PBX1: variants seen among roughly 807,000 people sequenced by gnomAD.
The protein encoded by PBX1 is PBX homeobox 1.
PBX1 carries 6 observed loss-of-function variants against 53.4 expected under a neutral mutation model. The ratio of observed to expected loss-of-function variants is 0.11; its 90% CI spans 0.06 to 0.22. PBX1 has a LOEUF of 0.22. Ranked by LOEUF, PBX1 falls within the 10% of genes least tolerant of loss-of-function variation. PBX1 has a pLI of 1.00. For missense variants in PBX1, 251 were observed against 551.4 expected, an observed-to-expected ratio of 0.46 and a Z score of 5.46; for synonymous variants, 204 against 212.3, an observed-to-expected ratio of 0.96 and a Z score of 0.34.
chr1:164,562,402 TAATAA>T (rs1557861519), intron 1 of PBX1, among the ~76,000 whole-genome samples: 1 of 150,986 alleles, frequency 6.6e-6, no homozygotes, highest in East Asian at 2.0e-4. Flanking sequence ...AGTGGTTCCA[TAATAA>T]AATAGAAGGA....
intron 2 of PBX1, among the ~76,000 whole-genome samples, chr1:164,694,911 G>A (rs950994671): frequency 3.3e-5 from 5 of 152,062 alleles, no homozygotes; most frequent in South Asian, 2.1e-4. Context: ...CTCTTGACTG[G>A]TGTCTCTGCC....
chr1:164,691,343 G>A (rs1274266106), intron 2 of PBX1, among the ~76,000 whole-genome samples: 3 of 152,108 alleles, frequency 2.0e-5, no homozygotes, highest in East Asian at 1.9e-4. Flanking sequence ...AAGTTGTCTA[G>A]CATAGTTGGT....
At chr1:164,716,468 G>A (rs563325847) in intron 2 of PBX1, among the ~76,000 whole-genome samples, 1 of 152,158 alleles carries the variant, frequency 6.6e-6, no homozygotes, top group Non-Finnish European at 1.5e-5. Flanking sequence ...TAAACATTCT[G>A]ATGATGGCAG....
intron 2 of PBX1, among the ~76,000 whole-genome samples, chr1:164,588,540 T>C (rs985828926): frequency 1.3e-4 from 20 of 150,554 alleles, no homozygotes; most frequent in Admixed American, 4.0e-4. Context: ...TAATTTTATA[T>C]GCATATATAT....
At chr1:164,723,241 C>T (rs1346695821) in intron 2 of PBX1, among the ~76,000 whole-genome samples, 3 of 152,124 alleles carry the variant, frequency 2.0e-5, no homozygotes, top group Non-Finnish European at 4.4e-5. Flanking sequence ...TTTCCTGGCA[C>T]CAGACTACTG....
intron 8 of PBX1, among the ~76,000 whole-genome samples, chr1:164,842,773 A>AC (rs1671364358): frequency 6.6e-6 from 1 of 152,116 alleles, no homozygotes; most frequent in South Asian, 2.1e-4. Context: ...CCACCCTGTG[A>AC]CCCCTCAGTG....
chr1:164,847,869 C>G lies in PBX1; in HGVS notation c.*1193C>G. On this transcript the variant is annotated 3_prime_UTR_variant, in exon 9 of 9. Transcript: ENST00000420696. The stretch of plus-strand genomic sequence containing the variant: ...CACAGGACCTGATCATGAGGAAGAC[C>G]AGGTTTCCAGTGTAAACTACTCTTG... The G allele has an allele frequency of 1.9e-6, 2 of 1,055,184 alleles. No individual in the cohort carries two copies. The allele number at this position is 1,055,184 out of a possible 1,614,324, so 65.4% of individuals were successfully genotyped here.
chr1:164,742,314 A>C (rs552934024), intron 2 of PBX1, among the ~76,000 whole-genome samples: 1 of 152,218 alleles, frequency 6.6e-6, no homozygotes, highest in Non-Finnish European at 1.5e-5. Flanking sequence ...GGCCGAGGCC[A>C]TTGGATCCCT....
chr1:164,568,768 G>T (rs1653618227), intron 2 of PBX1, among the ~76,000 whole-genome samples: 1 of 152,204 alleles, frequency 6.6e-6, no homozygotes, highest in Non-Finnish European at 1.5e-5. Flanking sequence ...AAGTTCTCTG[G>T]TTGTATCTTT....
At chr1:164,699,677 G>T (rs1663001211) in intron 2 of PBX1, among the ~76,000 whole-genome samples, 1 of 152,136 alleles carries the variant, frequency 6.6e-6, no homozygotes. Flanking sequence ...GTCTAAAAGG[G>T]AAATGCCAGG....
intron 2 of PBX1, among the ~76,000 whole-genome samples, chr1:164,688,553 AC>A (rs1344271420): frequency 1.3e-5 from 2 of 152,174 alleles, no homozygotes; most frequent in African/African-American, 4.8e-5. Flanking sequence ...TCTGCCACAT[AC>A]ATTTCTAGCG....
chr1:164,842,637 C>T (rs1671358636), intron 8 of PBX1, among the ~76,000 whole-genome samples: 1 of 152,094 alleles, frequency 6.6e-6, no homozygotes, highest in African/African-American at 2.4e-5. Flanking sequence ...TTGGGTCACA[C>T]GTCCCAGGTG....
chr1:164,725,203 G>T (rs1013060785), intron 2 of PBX1, among the ~76,000 whole-genome samples: 1 of 152,138 alleles, frequency 6.6e-6, no homozygotes, highest in African/African-American at 2.4e-5. Context: ...CAGAGTTCCT[G>T]TTCTAGAGGG....
At chr1:164,734,448 T>A (rs1444439982) in intron 2 of PBX1, among the ~76,000 whole-genome samples, 1 of 152,246 alleles carries the variant, frequency 6.6e-6, no homozygotes, top group African/African-American at 2.4e-5. Context: ...GATTTTTGTT[T>A]TGCAAGCCAT....
chr1:164,611,728 G>C (rs984318783), intron 2 of PBX1, among the ~76,000 whole-genome samples: 3 of 151,968 alleles, frequency 2.0e-5, no homozygotes, highest in South Asian at 4.1e-4. Context: ...TACTCTGCTG[G>C]AAGAGTAGAG....
intron 2 of PBX1, among the ~76,000 whole-genome samples, chr1:164,692,384 A>G (rs1270494552): frequency 6.6e-6 from 1 of 152,164 alleles, no homozygotes; most frequent in Admixed American, 6.5e-5. Context: ...TAACAAACAT[A>G]GGTTGAATGG....
At chr1:164,582,406 AAATTTCTTTCAT>A (rs900285685) in intron 2 of PBX1, among the ~76,000 whole-genome samples, 2 of 152,054 alleles carry the variant, frequency 1.3e-5, no homozygotes, top group African/African-American at 4.8e-5. Context: ...ACCCCATGCA[AAATTTCTTTCAT>A]AATTTCTTTT....
At chr1:164,566,063 T>G (rs1358426535) in intron 2 of PBX1, among the ~76,000 whole-genome samples, 1 of 152,208 alleles carries the variant, frequency 6.6e-6, no homozygotes, top group East Asian at 1.9e-4. Flanking sequence ...TTTGCTTTTT[T>G]GCATTTGTTA....
At chr1:164,837,262 AGG>A (rs1376831902) in intron 8 of PBX1, among the ~76,000 whole-genome samples, 1 of 152,204 alleles carries the variant, frequency 6.6e-6, no homozygotes, top group East Asian at 1.9e-4. Context: ...GCAAAATCAA[AGG>A]TTATAAAAAT....
Sources: gnomAD v4.1 joint callset for allele counts (sites outside exome capture counted in the v4.1 genomes callset) on GRCh38, gnomAD v4.1.1 for gene constraint, MANE v1.5 for transcripts, NCBI Gene and HGNC (gene_info 2026-07-23, HGNC 2026-07-21) for gene names.